TSG101: variants seen among roughly 807,000 people sequenced by gnomAD.
TSG101 encodes the protein tumor susceptibility 101, also known as tumor susceptibility gene 101 protein.
A neutral mutation model predicts 48.5 loss-of-function variants in TSG101; 19 were observed. The observed-to-expected ratio is 0.39, with a 90% CI of 0.27 to 0.58. The LOEUF (loss-of-function observed/expected upper bound fraction) is 0.58, where lower values mean the gene tolerates loss of function less well. TSG101 is among the 20% of genes least tolerant of loss of function. The pLI is 0.55. For missense variants in TSG101, 365 were observed against 484.4 expected, an observed-to-expected ratio of 0.75 and a Z score of 2.31; for synonymous variants, 174 against 169.4, an observed-to-expected ratio of 1.03 and a Z score of -0.21.
chr11:18,520,828 C>A (rs1379675400), intron 1 of TSG101, among the ~76,000 whole-genome samples: 1 of 151,952 alleles, frequency 6.6e-6, no homozygotes, highest in Non-Finnish European at 1.5e-5. Flanking sequence ...GTCAGGAGTT[C>A]GAGACCAGCC....
At chr11:18,499,402 A>ATATATATATATATATGTT in intron 7 of TSG101, among the ~76,000 whole-genome samples, 1 of 5,456 alleles carries the variant, frequency 1.8e-4, no homozygotes, top group East Asian at 9.1e-3. Context: ...ATATATATAT[A>ATATATATATATATATGTT]TTTTTTTTTT....
At chr11:18,526,727 A>C (rs1850381699) in intron 1 of TSG101, 48 bp downstream of exon 1, 1 of 1,586,614 alleles carries the variant, frequency 6.3e-7, no homozygotes, top group Non-Finnish European at 8.5e-7. Flanking sequence ...CAGGGCGCGG[A>C]AGGGAGCGGT....
At chr11:18,482,955 T>A (rs752246042) in intron 8 of TSG101, among the ~76,000 whole-genome samples, 1 of 152,014 alleles carries the variant, frequency 6.6e-6, no homozygotes, top group Non-Finnish European at 1.5e-5. Flanking sequence ...AGGGCAAAGG[T>A]GTGATAAGGT....
rs1206349442 is a variant in TSG101 at position 18,526,941 on chromosome 11, A to G, written c.-125T>C. 2.0e-6 allele frequency: 2 copies of G among 1,017,532 alleles called. No individual in the cohort carries two copies. The highest frequency in any genetic ancestry group is 2.9e-6 in the Non-Finnish European group (2 of 697,048). The allele number at this position is 1,017,532 out of a possible 1,614,324, so 63.0% of individuals were successfully genotyped here. A position where few individuals can be genotyped will look rare whatever the true frequency, so the allele number is the denominator to read the frequency against. On this transcript the variant is annotated 5_prime_UTR_variant, in exon 1 of 10. Coordinates refer to ENST00000251968, the MANE Select transcript of TSG101 (RefSeq NM_006292.4). ...CAAACAACAGGAAGTCGGCACCACT[A>G]CACCACTTCCGCTTCCACTACGTCA...
chr11:18,507,436 G>A (rs1033847495), intron 5 of TSG101, among the ~76,000 whole-genome samples: 35 of 152,272 alleles, frequency 2.3e-4, no homozygotes, highest in African/African-American at 7.5e-4. Context: ...AACTAGTCTA[G>A]GTGACAGAGT....
intron 2 of TSG101, among the ~76,000 whole-genome samples, chr11:18,519,170 CT>C (rs1270228149): frequency 6.6e-6 from 1 of 151,812 alleles, no homozygotes; most frequent in African/African-American, 2.4e-5. Context: ...ACCAGGCCAA[CT>C]TTAAGTATTT....
chr11:18,497,616 G>A (rs1849804087), intron 7 of TSG101, among the ~76,000 whole-genome samples: 1 of 152,070 alleles, frequency 6.6e-6, no homozygotes, highest in African/African-American at 2.4e-5. Flanking sequence ...GTAAACTAAG[G>A]TTCTCTACAA....
chr11:18,480,587 G>C lies in TSG101; in HGVS notation c.1132C>G (p.Gln378Glu). ...RKQFQLRALM[Q>E]KARKTAGLSD... ...AGACCGGCAGTCTTTCTTGCTTTTT[G>C]CATTAGTGCCCTCAGCTGGAACTGT... Residue 378 changes from glutamine to glutamate, a missense_variant, in exon 10 of 10, where the codon CAA (glutamine) becomes GAA (glutamate). Physicochemically the swap from Gln to Glu is conservative, Grantham distance 29 (BLOSUM62 2). Transcript: ENST00000251968. The C allele has an allele frequency of 6.2e-7, 1 of 1,613,922 alleles. No individual in the cohort carries two copies. The highest frequency in any genetic ancestry group is 8.5e-7 in the Non-Finnish European group (1 of 1,179,936).
At chr11:18,511,498 G>A (rs2133926053) in intron 4 of TSG101, 1 of 152,264 alleles carries the variant, frequency 6.6e-6, no homozygotes, top group South Asian at 2.1e-4. Context: ...TATAAGCACA[G>A]TATCTGTGCA....
Position 18,480,632 on chromosome 11 carries a change from C to A in TSG101, c.1087G>T (p.Val363Leu). The change falls in exon 10 of 10, where the codon GTA (valine) becomes TTA (leucine). Residue 363 changes from valine to leucine, a missense_variant. Coordinates refer to ENST00000251968, the MANE Select transcript of TSG101 (RefSeq NM_006292.4). ...AACTGTTTACGGGACAGAAGACGTA[C>A]ATGCTGGGAGGGGAGAAAAGTTTGA... Reference protein sequence around the residue: ...VIDLDVFLKHVRLLSRKQFQL... With the variant: ...VIDLDVFLKHLRLLSRKQFQL... 6.2e-7 allele frequency: 1 copy of A among 1,613,624 alleles called. No individual in the cohort carries two copies. Among genetic ancestry groups the A allele is most frequent in the Non-Finnish European group, 8.5e-7 (1 of 1,179,778 alleles).
At chr11:18,481,381 C>T (rs1337903647) in intron 9 of TSG101, 1 of 1,266,098 alleles carries the variant, frequency 7.9e-7, no homozygotes, top group Non-Finnish European at 1.0e-6. Flanking sequence ...AAGAGTTACA[C>T]TCATCTTAAT....
intron 4 of TSG101, among the ~76,000 whole-genome samples, chr11:18,512,015 A>G (rs1166729850): frequency 6.6e-6 from 1 of 152,148 alleles, no homozygotes; most frequent in East Asian, 1.9e-4. Flanking sequence ...AGTTTTAATT[A>G]TCATACCATT....
intron 7 of TSG101, among the ~76,000 whole-genome samples, chr11:18,489,450 T>G (rs1849667700): frequency 6.6e-6 from 1 of 152,182 alleles, no homozygotes. Flanking sequence ...AGGTCATTCA[T>G]AAAACACATG....
At chr11:18,516,728 G>A (rs1850182062) in intron 2 of TSG101, among the ~76,000 whole-genome samples, 1 of 151,960 alleles carries the variant, frequency 6.6e-6, no homozygotes, top group East Asian at 2.0e-4. Flanking sequence ...GATCACCTGA[G>A]GTCAGGAGTT....
At position 18,502,702 on chromosome 11, in the gene TSG101, T is replaced by G. The variant is rs1590279449; in HGVS notation, c.549-125A>C. ...TTTACCAGTTGATGAATTTATAGTCTTGGAGCTGCAAGTGTTTATTCAAGT... is the reference window on the plus strand; with the variant it reads ...TTTACCAGTTGATGAATTTATAGTCGTGGAGCTGCAAGTGTTTATTCAAGT... On this transcript the variant is annotated intron_variant, in intron 6 of 9. Transcript: ENST00000251968. 5 of 650,758 alleles carry G rather than the reference T, an allele frequency of 7.7e-6. No individual in the cohort carries two copies. The East Asian group carries it at 1.5e-4, about 20-fold the overall frequency. The allele number at this position is 650,758 out of a possible 1,614,324, so 40.3% of individuals were successfully genotyped here. A position where few individuals can be genotyped will look rare whatever the true frequency, so the allele number is the denominator to read the frequency against.
chr11:18,497,802 T>C (rs1849807255), intron 7 of TSG101, among the ~76,000 whole-genome samples: 2 of 152,202 alleles, frequency 1.3e-5, no homozygotes, highest in South Asian at 4.1e-4. Context: ...TTCATTATAT[T>C]GTAGTTACAT....
At position 18,502,570 on chromosome 11, in the gene TSG101, G is replaced by A. The variant is rs771571606; in HGVS notation, c.556C>T (p.Pro186Ser). 1 of 1,611,374 alleles carries A rather than the reference G, an allele frequency of 6.2e-7. No homozygotes were observed. The highest frequency in any genetic ancestry group is 8.5e-7 in the Non-Finnish European group (1 of 1,178,588). The change falls in exon 7 of 10, where the codon CCA (proline) becomes TCA (serine). Residue 186 changes from proline (P) to serine (S), a missense_variant. Physicochemically the swap from Pro to Ser is moderately conservative, Grantham distance 74. Coordinates refer to ENST00000251968, the MANE Select transcript of TSG101 (RefSeq NM_006292.4). ...SGYPPNPSGY[P>S]GCPYPPGGPY... ...CCACCAGGTGGGTAAGGACAGCCTG[G>A]GTAACCACTAAAGACAAGAACAAAA...
At chr11:18,511,436 C>T (rs560332329) in intron 4 of TSG101, 1 of 152,208 alleles carries the variant, frequency 6.6e-6, no homozygotes, top group South Asian at 2.1e-4. Context: ...TCTACTTTTC[C>T]AATATTTTTC....
rs1264537011 is a variant in TSG101, at chr11:18,506,903, G to A, written c.502C>T (p.Pro168Ser). Residue 168 changes from proline to serine, a missense_variant, in exon 6 of 10, where the codon CCA becomes TCA. Transcript: ENST00000251968. ...PPNTSYMPGM[P>S]GGISPYPSGY... is the part of the protein sequence containing the mutation. Reference sequence around the variant, plus strand: ...GATGGGTATGGAGAGATTCCACCTGGCATGCCTGGCATGTAGGAAGCTAAA... The same window carrying A: ...GATGGGTATGGAGAGATTCCACCTGACATGCCTGGCATGTAGGAAGCTAAA... The A allele has an allele frequency of 6.2e-7, 1 of 1,606,836 alleles. No individual in the cohort carries two copies. The highest frequency in any genetic ancestry group is 8.5e-7 in the Non-Finnish European group (1 of 1,175,598).
Sources: allele counts gnomAD v4.1 joint callset (sites outside exome capture counted in the v4.1 genomes callset), GRCh38; gene constraint gnomAD v4.1.1; transcripts MANE v1.5; gene names NCBI Gene and HGNC (gene_info 2026-07-23, HGNC 2026-07-21).